Variants in TMEM184C observed in about 807,000 individuals in gnomAD.
TMEM184C encodes the protein transmembrane protein 34.
In TMEM184C, 25 loss-of-function variants were observed where a neutral mutation model predicts 54.5. That is an observed-to-expected ratio of 0.46 (90% confidence interval 0.33 to 0.64). The LOEUF (loss-of-function observed/expected upper bound fraction) is 0.64, where lower values mean the gene tolerates loss of function less well. Ranked by LOEUF, TMEM184C falls within the 30% of genes least tolerant of loss-of-function variation. The pLI, the probability that TMEM184C is intolerant of heterozygous loss-of-function variation, is 0.02. For missense variants in TMEM184C, 335 were observed against 520.3 expected, an observed-to-expected ratio of 0.64 and a Z score of 3.46; for synonymous variants, 148 against 181.5, an observed-to-expected ratio of 0.82 and a Z score of 1.49.
At chr4:147,619,734 A>C (rs941446386) in intron 1 of TMEM184C, among the ~76,000 whole-genome samples, 1 of 152,220 alleles carries the variant, frequency 6.6e-6, no homozygotes. Flanking sequence ...TTAGTTTCAA[A>C]TGTAGTTTTT....
In TMEM184C at chr4:147,625,321, A is replaced by G. The variant is rs147205967; in HGVS notation, c.497+312A>G. Among the ~76,000 whole-genome samples, 400 of 152,368 alleles carry G rather than the reference A, an allele frequency of 2.6e-3. 3 individuals are homozygous for G. Among genetic ancestry groups the G allele is most frequent in the Non-Finnish European group, 3.8e-3 (257 of 68,038 alleles). ...CAAGGTCTGCAGATCTTATGTAAGA[A>G]CACACAGCTAGTTAAAAGACATAGA... On this transcript the variant is annotated intron_variant, in intron 4 of 9. Transcript: ENST00000296582.
intron 6 of TMEM184C, among the ~76,000 whole-genome samples, chr4:147,629,985 A>G (rs1371322615): frequency 6.6e-6 from 1 of 151,764 alleles, no homozygotes; most frequent in African/African-American, 2.4e-5. Flanking sequence ...AGTATGTCAT[A>G]AATAAAAGCA....
intron 7 of TMEM184C, 33 bp from the exon 8 acceptor site, chr4:147,632,870 T>A (rs536197423): frequency 6.3e-7 from 1 of 1,589,186 alleles, no homozygotes; most frequent in Non-Finnish European, 8.6e-7. Flanking sequence ...ATGCTTGATA[T>A]AGATTTGGCG....
chr4:147,630,897 A>G lies in TMEM184C; in HGVS notation c.667-496A>G, dbSNP rs2126553532. ...TAGTAAGTCTTGTTCATTTTAAAAAATAAATCTAGCTGAACTAATACACCG... is the reference window on the plus strand; with the variant it reads ...TAGTAAGTCTTGTTCATTTTAAAAAGTAAATCTAGCTGAACTAATACACCG... On this transcript the variant is annotated intron_variant, in intron 6 of 9. Coordinates refer to ENST00000296582, the MANE Select transcript of TMEM184C (RefSeq NM_018241.3). 2.0e-5 allele frequency among the ~76,000 whole-genome samples: 3 copies of G among 152,258 alleles called. No individual in the cohort carries two copies. In the Middle Eastern group the frequency reaches 0.01, roughly 518 times the overall value.
Position 147,635,974 on chromosome 4 carries a change from A to G in TMEM184C, c.*1540A>G, listed in dbSNP as rs375813154. ...GTATGTACACTGAAAACTATGAAAC[A>G]CTGATGAAAGAAAGACACAAATAAA... On this transcript the variant is annotated 3_prime_UTR_variant, in exon 10 of 10. Coordinates refer to ENST00000296582, the MANE Select transcript of TMEM184C (RefSeq NM_018241.3). The G allele has an allele frequency of 3.9e-5, 6 of 152,318 alleles. No homozygotes were observed. The highest frequency in any genetic ancestry group is 1.4e-4 in the African/African-American group (6 of 41,578). 9.4% of individuals were successfully genotyped at this position (152,318 alleles called of 1,614,324 possible).
chr4:147,633,580 A>G (rs1732955287), intron 8 of TMEM184C, among the ~76,000 whole-genome samples, 185 bp from the exon 9 acceptor site: 1 of 152,134 alleles, frequency 6.6e-6, no homozygotes, highest in African/African-American at 2.4e-5. Context: ...ACATTTTGGC[A>G]TTTTGTCTTT....
intron 5 of TMEM184C, among the ~76,000 whole-genome samples, chr4:147,628,989 C>G (rs903555394): frequency 6.6e-6 from 1 of 152,132 alleles, no homozygotes; most frequent in Non-Finnish European, 1.5e-5. Flanking sequence ...TAACATTTTG[C>G]ATGCTCACAG....
chr4:147,623,219 G>C (rs1732744077), intron 1 of TMEM184C, among the ~76,000 whole-genome samples: 1 of 152,112 alleles, frequency 6.6e-6, no homozygotes, highest in Admixed American at 6.6e-5. Context: ...GGCGGAGGCG[G>C]ACGGATCACT....
At chr4:147,623,643 T>TA (rs1267423305) in intron 1 of TMEM184C, among the ~76,000 whole-genome samples, 191 bp from the exon 2 acceptor site, 8 of 78,320 alleles carry the variant, frequency 1.0e-4, no homozygotes, top group East Asian at 3.4e-4. Flanking sequence ...TTCAATTTTT[T>TA]AATTTTTTTT....
chr4:147,634,200 A>T lies in TMEM184C; in HGVS notation c.1083A>T (p.Lys361Asn). ...GRTVRGHPRK[K>N]LFPEDQDQNE... ...CAGTCAGGGGACATCCCAGGAAAAA[A>T]TTGTTTCCCGAGGATCAAGATCAAA... is the stretch of plus-strand genomic sequence containing the variant. The change falls in exon 10 of 10, where the codon AAA (lysine) becomes AAT (asparagine). Residue 361 changes from lysine to asparagine, a missense_variant. By Grantham distance (94) the Lys-to-Asn change is moderately conservative (BLOSUM62 0). Coordinates refer to ENST00000296582, the MANE Select transcript of TMEM184C (RefSeq NM_018241.3). 1 of 1,613,940 alleles carries T rather than the reference A, an allele frequency of 6.2e-7. No individual in the cohort carries two copies. Among genetic ancestry groups the T allele is most frequent in the Non-Finnish European group, 8.5e-7 (1 of 1,179,908 alleles).
intron 1 of TMEM184C, among the ~76,000 whole-genome samples, chr4:147,622,162 C>A (rs1378717398): frequency 6.6e-6 from 1 of 151,932 alleles, no homozygotes; most frequent in East Asian, 1.9e-4. Context: ...ACACTGGTCT[C>A]ACACTATTGG....
chr4:147,624,877 T>A lies in TMEM184C; in HGVS notation c.365T>A (p.Ile122Asn), dbSNP rs764050653. The A allele has an allele frequency of 6.2e-7, 1 of 1,613,952 alleles. No individual in the cohort carries two copies. ...AGAGAATGCTATGAAGCTTATGTAA[T>A]TTACAACTTTATGGGATTCCTTACC... is the stretch of plus-strand genomic sequence containing the variant. ...TCRECYEAYV[I>N]YNFMGFLTNY... Residue 122 changes from isoleucine (I) to asparagine (N), a missense_variant, in exon 4 of 10, where the codon ATT (isoleucine) becomes AAT (asparagine). Ile to Asn is a moderately radical substitution (Grantham distance 149). Transcript: ENST00000296582.
Position 147,617,650 on chromosome 4 carries a change from C to T in TMEM184C, c.-307C>T. On this transcript the variant is annotated 5_prime_UTR_variant, in exon 1 of 10. Coordinates refer to ENST00000296582, the MANE Select transcript of TMEM184C (RefSeq NM_018241.3). ...TGGTACAGGCAGAGCTCAGGGCGATCCCCAGGTGAGGGCAGCGGCTCTGCC... is the reference window on the plus strand; with the variant it reads ...TGGTACAGGCAGAGCTCAGGGCGATTCCCAGGTGAGGGCAGCGGCTCTGCC... The T allele has an allele frequency of 2.8e-6, 1 of 356,550 alleles. No individual in the cohort carries two copies. The highest frequency in any genetic ancestry group is 5.5e-6 in the Non-Finnish European group (1 of 182,088). 22.1% of individuals were successfully genotyped at this position (356,550 alleles called of 1,614,324 possible). A position where few individuals can be genotyped will look rare whatever the true frequency, so the allele number is the denominator to read the frequency against.
Position 147,631,483 on chromosome 4 carries a change from C to A in TMEM184C, c.757C>A (p.Leu253Met). Reference protein sequence around the residue: ...QPVGKFLCVKLVVFVSFWQAV... With the variant: ...QPVGKFLCVKMVVFVSFWQAV... ...TGTTGGCAAATTTCTTTGTGTAAAGCTGGTGGTTTTTGTTTCTTTTTGGTA... is the reference window on the plus strand; with the variant it reads ...TGTTGGCAAATTTCTTTGTGTAAAGATGGTGGTTTTTGTTTCTTTTTGGTA... The change falls in exon 7 of 10, where the codon CTG (leucine) becomes ATG (methionine). Residue 253 changes from leucine to methionine, a missense_variant. Physicochemically the swap from Leu to Met is conservative, Grantham distance 15 (BLOSUM62 2). Transcript: ENST00000296582. The A allele has an allele frequency of 6.2e-7, 1 of 1,607,252 alleles. No homozygotes were observed. Among genetic ancestry groups the A allele is most frequent in the Non-Finnish European group, 8.5e-7 (1 of 1,178,534 alleles).
Position 147,635,545 on chromosome 4 carries a change from A to ATGTT in TMEM184C, c.*1112_*1115dup, listed in dbSNP as rs1733009550. ...AAAATAAAACAGAAAGTGCCATAGT[A>ATGTT]TGTTACAGAAAGCAAAGATGAGTAT... is the stretch of plus-strand genomic sequence containing the variant. On this transcript the variant is annotated 3_prime_UTR_variant, in exon 10 of 10. Transcript: ENST00000296582. The ATGTT allele has an allele frequency of 6.6e-6, 1 of 152,238 alleles. No individual in the cohort carries two copies. 9.4% of individuals were successfully genotyped at this position (152,238 alleles called of 1,614,324 possible).
At position 147,628,413 on chromosome 4, in the gene TMEM184C, C is replaced by T; in HGVS notation, c.550C>T (p.Pro184Ser). ...TGTATTACAGTACACAGTTGTCAGA[C>T]CTTTCACCACCATCGTTGCTTTGTA... is the stretch of plus-strand genomic sequence containing the variant. ...LGVLQYTVVR[P>S]FTTIVALICE... Residue 184 changes from proline to serine, a missense_variant, in exon 5 of 10, where the codon CCT becomes TCT. Physicochemically the swap from Pro to Ser is moderately conservative, Grantham distance 74. Transcript: ENST00000296582. The T allele has an allele frequency of 6.2e-7, 1 of 1,613,732 alleles. No homozygotes were observed. Among genetic ancestry groups the T allele is most frequent in the Non-Finnish European group, 8.5e-7 (1 of 1,179,884 alleles).
intron 6 of TMEM184C, among the ~76,000 whole-genome samples, chr4:147,630,657 A>T (rs2126553402): frequency 6.6e-6 from 1 of 152,238 alleles, no homozygotes; most frequent in South Asian, 2.1e-4. Flanking sequence ...AAAATTTTAT[A>T]ATTAGTTCAT....
At chr4:147,626,946 G>A (rs1023337812) in intron 4 of TMEM184C, among the ~76,000 whole-genome samples, 1 of 152,196 alleles carries the variant, frequency 6.6e-6, no homozygotes, top group Admixed American at 6.5e-5. Context: ...GGGGGTCAGC[G>A]AATGCAGAAT....
chr4:147,622,354 C>T (rs1269095858), intron 1 of TMEM184C, among the ~76,000 whole-genome samples: 1 of 152,036 alleles, frequency 6.6e-6, no homozygotes, highest in Admixed American at 6.6e-5. Flanking sequence ...CTGTTGTCCA[C>T]CATGGTCTGA....
Sources: gnomAD v4.1 joint callset for allele counts (sites outside exome capture counted in the v4.1 genomes callset) on GRCh38, gnomAD v4.1.1 for gene constraint, MANE v1.5 for transcripts, NCBI Gene and HGNC (gene_info 2026-07-23, HGNC 2026-07-21) for gene names.